Variants in COG3 observed in about 807,000 individuals in gnomAD.
The protein encoded by COG3 is conserved oligomeric Golgi complex subunit 3.
In COG3, 32 loss-of-function variants were observed where a neutral mutation model predicts 114.1. That is an observed-to-expected ratio of 0.28 (90% CI 0.21 to 0.38). The LOEUF (loss-of-function observed/expected upper bound fraction) is 0.38, where lower values mean the gene tolerates loss of function less well. Among genes scored for constraint, COG3 ranks in the 10% least tolerant of loss-of-function variants. COG3 has a pLI of 1.00. For missense variants in COG3, 813 were observed against 973.2 expected, an observed-to-expected ratio of 0.84 and a Z score of 2.19; for synonymous variants, 352 against 365.7, an observed-to-expected ratio of 0.96 and a Z score of 0.43.
intron 4 of COG3, among the ~76,000 whole-genome samples, chr13:45,480,854 C>T (rs1023540718): frequency 6.6e-6 from 1 of 152,224 alleles, no homozygotes; most frequent in Non-Finnish European, 1.5e-5. Context: ...GTGTGAGCCA[C>T]TGCACCCAGC....
chr13:45,502,675 A>C (rs1593717813), intron 13 of COG3, among the ~76,000 whole-genome samples: 1 of 152,064 alleles, frequency 6.6e-6, no homozygotes, highest in East Asian at 1.9e-4. Flanking sequence ...ATTTTTGGTT[A>C]CATGGATAAG....
At chr13:45,490,407 T>C (rs1417589333) in intron 8 of COG3, among the ~76,000 whole-genome samples, 1 of 152,164 alleles carries the variant, frequency 6.6e-6, no homozygotes, top group African/African-American at 2.4e-5. Context: ...GAGCGGGTGC[T>C]GGAACCCTCT....
chr13:45,493,518 T>C (rs753804176), intron 12 of COG3, 32 bp downstream of exon 12: 4 of 1,582,776 alleles, frequency 2.5e-6, no homozygotes, highest in East Asian at 2.3e-5. Context: ...TTTTAAGTTA[T>C]ATCACTGGCT....
In COG3 at chr13:45,483,217, C is replaced by T. The variant is rs752287615; in HGVS notation, c.718-13C>T. 19 of 1,571,986 alleles carry T rather than the reference C, an allele frequency of 1.2e-5. No individual in the cohort carries two copies. In the Admixed American group the frequency reaches 2.0e-4, roughly 16 times the overall value. On this transcript the variant is annotated splice_polypyrimidine_tract_variant and intron_variant, in intron 6 of 22. Coordinates refer to ENST00000349995, the MANE Select transcript of COG3 (RefSeq NM_031431.4). ...TCATTTCCACTTTGTAAATCTTTCT[C>T]TTTTCCTTACAGCCTAATTTTAAAG...
At chr13:45,532,837 G>A (rs569795932) in intron 22 of COG3, among the ~76,000 whole-genome samples, 3 of 152,136 alleles carry the variant, frequency 2.0e-5, no homozygotes, top group South Asian at 4.1e-4. Context: ...GATTACAGGC[G>A]TGAGCCACCG....
intron 19 of COG3, among the ~76,000 whole-genome samples, chr13:45,522,940 G>C (rs113159609): frequency 6.6e-6 from 1 of 152,180 alleles, no homozygotes; most frequent in Non-Finnish European, 1.5e-5. Flanking sequence ...CCTAGATCCT[G>C]CAACTGCGTC....
chr13:45,530,736 A>G lies in COG3; in HGVS notation c.2413A>G (p.Ser805Gly). 1.2e-6 allele frequency: 2 copies of G among 1,613,460 alleles called. No homozygotes were observed. The highest frequency in any genetic ancestry group is 1.7e-6 in the Non-Finnish European group (2 of 1,179,406). Residue 805 changes from serine (S) to glycine (G), a missense_variant, in exon 22 of 23, where the codon AGC (serine) becomes GGC (glycine). Physicochemically the swap from Ser to Gly is moderately conservative, Grantham distance 56 (BLOSUM62 0). Transcript: ENST00000349995. ...CCACGCTCTGTTAAAGGAAGAGTTC[A>G]GCCCTGAAGACATCCAGATCATTGC... The part of the protein sequence containing the change: ...KFHALLKEEF[S>G]PEDIQIIACP...
intron 6 of COG3, 110 bp from the exon 7 acceptor site, chr13:45,483,120 T>G: frequency 1.5e-6 from 1 of 682,518 alleles, no homozygotes; most frequent in Non-Finnish European, 2.3e-6. Flanking sequence ...ATGAAACCTG[T>G]TTTTGAACTT....
At chr13:45,496,766 C>T (rs951281065) in intron 13 of COG3, among the ~76,000 whole-genome samples, 7 of 150,646 alleles carry the variant, frequency 4.6e-5, no homozygotes, top group African/African-American at 1.2e-4. Flanking sequence ...TTCTGCCTCA[C>T]GGGTTCGCGC....
chr13:45,532,848 T>C (rs1873289593), intron 22 of COG3, among the ~76,000 whole-genome samples: 1 of 152,076 alleles, frequency 6.6e-6, no homozygotes, highest in African/African-American at 2.4e-5. Flanking sequence ...TGAGCCACCG[T>C]GCCTGGCCAC....
chr13:45,472,838 C>T (rs910829184), intron 1 of COG3, among the ~76,000 whole-genome samples: 9 of 152,240 alleles, frequency 5.9e-5, no homozygotes, highest in African/African-American at 2.2e-4. Context: ...CTGAGTCTGG[C>T]TCTGTTGATT....
intron 16 of COG3, 150 bp from the exon 17 acceptor site, chr13:45,515,993 G>T (rs1485853058): frequency 8.2e-6 from 4 of 486,066 alleles, no homozygotes; most frequent in Non-Finnish European, 9.9e-6. Context: ...CTTAATTCTA[G>T]CATGGGGAGA....
intron 2 of COG3, among the ~76,000 whole-genome samples, chr13:45,476,804 A>G (rs1449125192): frequency 6.6e-6 from 1 of 152,200 alleles, no homozygotes; most frequent in Non-Finnish European, 1.5e-5. Context: ...GTTCATTCCT[A>G]ATTAGAAACC....
chr13:45,471,649 C>T (rs558951695), intron 1 of COG3, among the ~76,000 whole-genome samples: 45 of 151,870 alleles, frequency 3.0e-4, no homozygotes, highest in African/African-American at 9.7e-4. Flanking sequence ...TTTTATCTAG[C>T]GTTATATTCT....
chr13:45,484,683 G>A (rs76018373), intron 7 of COG3, among the ~76,000 whole-genome samples: 9,646 of 143,080 alleles, frequency 0.067, 324 homozygotes, highest in East Asian at 0.1. Context: ...CAATAGTGGA[G>A]GGAAGGTCAG....
chr13:45,519,655 A>T (rs372474696), intron 19 of COG3, among the ~76,000 whole-genome samples: 1 of 152,244 alleles, frequency 6.6e-6, no homozygotes, highest in Non-Finnish European at 1.5e-5. Context: ...GTGAAACAAC[A>T]TAAAATGAAA....
At chr13:45,524,941 A>C (rs759108712) in intron 19 of COG3, 35 bp from the exon 20 acceptor site, 1 of 1,566,332 alleles carries the variant, frequency 6.4e-7, no homozygotes, top group Non-Finnish European at 8.8e-7. Flanking sequence ...TCATTGATGA[A>C]ATGAAACTTT....
intron 8 of COG3, 42 bp downstream of exon 8, chr13:45,486,617 T>C (rs763130728): frequency 8.5e-7 from 1 of 1,177,636 alleles, no homozygotes; most frequent in Non-Finnish European, 1.3e-6. Flanking sequence ...ATGAAATTTG[T>C]TCATCTGCCC....
intron 13 of COG3, among the ~76,000 whole-genome samples, chr13:45,496,527 T>C (rs529869586): frequency 1.3e-5 from 2 of 152,090 alleles, no homozygotes; most frequent in African/African-American, 4.8e-5. Flanking sequence ...CCTAGATGTT[T>C]TTTACTAGTT....
Sources: gnomAD v4.1 joint callset for allele counts (sites outside exome capture counted in the v4.1 genomes callset) on GRCh38, gnomAD v4.1.1 for gene constraint, MANE v1.5 for transcripts, NCBI Gene and HGNC (gene_info 2026-07-23, HGNC 2026-07-21) for gene names.